Variants in DRC12 observed in about 807,000 individuals in gnomAD.
DRC12 encodes the protein dynein regulatory complex subunit 12 homolog, also known as dynein regulatory complex protein 12.
At chr11:119,193,893 C>T in the DRC12 span, 5 of 1,551,064 alleles carry the variant, frequency 3.2e-6, no homozygotes, top group Non-Finnish European at 4.4e-6. Context: ...GAGCTGTGAG[C>T]AGTCCCAGAG....
At chr11:119,194,541 A>AAAAAAAAAAAAAAAAAAAG in the DRC12 span, among the ~76,000 whole-genome samples, 20 of 66,034 alleles carry the variant, frequency 3.0e-4, 6 homozygotes, top group East Asian at 1.2e-3. Context: ...AAAAAAAAAA[A>AAAAAAAAAAAAAAAAAAAG]AAAATAAATA....
chr11:119,193,880 G>T, the DRC12 span: 55 of 1,551,116 alleles, frequency 3.5e-5, no homozygotes, highest in South Asian at 5.7e-4. Flanking sequence ...TCATCCCTCC[G>T]TAGAGCTGTG....
chr11:119,195,556 C>G, the DRC12 span: 3 of 1,263,576 alleles, frequency 2.4e-6, no homozygotes, highest in Non-Finnish European at 3.4e-6. Flanking sequence ...CTTTCCTGAG[C>G]TTTAGACTGA....
chr11:119,194,773 CA>C, the DRC12 span: 2 of 402,946 alleles, frequency 5.0e-6, no homozygotes, highest in Non-Finnish European at 4.2e-6. Context: ...TCTCACTGCC[CA>C]CCCTCTCTCA....
the DRC12 span, among the ~76,000 whole-genome samples, chr11:119,192,163 A>G: frequency 1.3e-5 from 2 of 152,064 alleles, no homozygotes; most frequent in African/African-American, 4.8e-5. Context: ...TTTAGTAGAG[A>G]TGGCATTTCA....
chr11:119,190,660 G>A, the DRC12 span: 4 of 1,590,908 alleles, frequency 2.5e-6, no homozygotes, highest in Non-Finnish European at 3.4e-6. The surrounding 1 kb of genome is among the most constrained non-coding windows in gnomAD (Gnocchi z 4.2). Context: ...TTGTGGGCAT[G>A]GGGGAGTCCT....
At chr11:119,195,519 T>C in the DRC12 span, 1 of 1,515,886 alleles carries the variant, frequency 6.6e-7, no homozygotes, top group South Asian at 1.2e-5. Flanking sequence ...GGAGGGGACC[T>C]TATGTTTAGG....
chr11:119,193,588 A>T, the DRC12 span: 1 of 1,435,608 alleles, frequency 7.0e-7, no homozygotes, highest in East Asian at 2.5e-5. Flanking sequence ...GGATCCCAGG[A>T]ACCTACCTGC....
chr11:119,194,810 T>C, the DRC12 span: 21 of 677,692 alleles, frequency 3.1e-5, no homozygotes, highest in Non-Finnish European at 1.3e-5. Flanking sequence ...AGGGGATGGT[T>C]AGGGTCAACT....
At chr11:119,190,358 T>A in the DRC12 span, 7 of 1,614,020 alleles carry the variant, frequency 4.3e-6, no homozygotes, top group Non-Finnish European at 5.9e-6. This position sits in a 1 kb window ranked among gnomAD's most constrained non-coding sequence, Gnocchi z 4.2. Flanking sequence ...AAACTGGCGT[T>A]GCTGCTCCTT....
the DRC12 span, chr11:119,193,902 A>G: frequency 1.9e-6 from 3 of 1,550,408 alleles, no homozygotes; most frequent in South Asian, 2.4e-5. Context: ...GCAGTCCCAG[A>G]GCCGCCGTCA....
the DRC12 span, chr11:119,190,324 C>T: frequency 6.2e-7 from 1 of 1,614,164 alleles, no homozygotes; most frequent in Admixed American, 1.7e-5. The surrounding 1 kb of genome is among the most constrained non-coding windows in gnomAD (Gnocchi z 4.2). Flanking sequence ...CTGGTGGCCT[C>T]AAAGATCCAG....
the DRC12 span, chr11:119,193,594 C>T: frequency 7.0e-7 from 1 of 1,437,320 alleles, no homozygotes; most frequent in Admixed American, 2.8e-5. Flanking sequence ...CAGGAACCTA[C>T]CTGCCTTTGG....
the DRC12 span, among the ~76,000 whole-genome samples, chr11:119,194,324 C>T: frequency 3.3e-5 from 5 of 151,698 alleles, no homozygotes; most frequent in South Asian, 2.1e-4. Flanking sequence ...ACCAGCCTGG[C>T]CAACATGGTG....
chr11:119,194,542 AAAAT>A, the DRC12 span, among the ~76,000 whole-genome samples: 47 of 48,194 alleles, frequency 9.8e-4, no homozygotes, highest in Middle Eastern at 0.012. Context: ...AAAAAAAAAA[AAAAT>A]AAATAAATAA....
the DRC12 span, chr11:119,195,283 G>C: frequency 1.8e-5 from 14 of 759,848 alleles, no homozygotes; most frequent in Non-Finnish European, 2.6e-5. Context: ...CCCTGGATCT[G>C]GCTGTGAGGA....
chr11:119,193,508 C>A, the DRC12 span: 1 of 1,284,080 alleles, frequency 7.8e-7, no homozygotes, highest in Non-Finnish European at 1.0e-6. Flanking sequence ...GAGATGATGG[C>A]TATGACTGCA....
the DRC12 span, among the ~76,000 whole-genome samples, chr11:119,191,558 G>A: frequency 6.6e-6 from 1 of 151,806 alleles, no homozygotes; most frequent in Admixed American, 6.6e-5. Context: ...TGTAATCCTA[G>A]CACTTTGGGA....
chr11:119,195,470 TTTG>T, the DRC12 span: 3 of 1,551,472 alleles, frequency 1.9e-6, no homozygotes, highest in Non-Finnish European at 2.6e-6. Context: ...TCCCTTTTTC[TTTG>T]TTTTTAGGTG....
Sources: allele counts gnomAD v4.1 joint callset (sites outside exome capture counted in the v4.1 genomes callset), GRCh38; gene constraint gnomAD v4.1.1; non-coding constraint Gnocchi (gnomAD v3.1); transcripts MANE v1.5; gene names NCBI Gene and HGNC (gene_info 2026-07-23, HGNC 2026-07-21).